The following NME5 variants were observed in gnomAD, a reference collection of about 807,000 sequenced individuals.
The protein encoded by NME5 is nucleoside diphosphate kinase 5.
In NME5, 18 loss-of-function variants were observed where a neutral mutation model predicts 21.6. That is an observed-to-expected ratio of 0.83 (90% CI 0.58 to 1.24). NME5 has a LOEUF of 1.24. NME5 is among the 50% of genes most tolerant of loss of function. The pLI, the probability that NME5 is intolerant of heterozygous loss-of-function variation, is 0.00. For synonymous variants in NME5, 70 were observed against 80.6 expected (o/e 0.87, Z 0.71); for missense variants, 223 against 255.4 (o/e 0.87, Z 0.86).
chr5:138,115,849 C>A, intron 5 of NME5, 85 bp from the exon 6 acceptor site: 1 of 841,636 alleles, frequency 1.2e-6, no homozygotes, highest in South Asian at 2.2e-5. Context: ...GAAACTTAAA[C>A]AGTTTTCAAA....
intron 2 of NME5, among the ~76,000 whole-genome samples, chr5:138,137,314 C>A (rs991961743): frequency 3.3e-5 from 5 of 150,880 alleles, no homozygotes; most frequent in Admixed American, 1.3e-4. Flanking sequence ...GATATTTTCT[C>A]TTTATTTATT....
At chr5:138,126,595 G>A (rs1275832270) in intron 4 of NME5, among the ~76,000 whole-genome samples, 4 of 147,808 alleles carry the variant, frequency 2.7e-5, no homozygotes, top group Non-Finnish European at 6.0e-5. Context: ...TGAGTAAGAA[G>A]AGCTTCCAAA....
Position 138,129,136 on chromosome 5 carries a change from C to T in NME5, c.335+127G>A. On this transcript the variant is annotated intron_variant, in intron 3 of 5. Coordinates refer to ENST00000265191, the MANE Select transcript of NME5 (RefSeq NM_003551.3). ...CCAGGCCCTGCCACCCTCTGCCCCC[C>T]AAAAAAGTTGATTTTGGAAAACTTC... 6.7e-6 allele frequency: 5 copies of T among 745,044 alleles called. No individual in the cohort carries two copies. In the South Asian group the frequency reaches 7.5e-5, roughly 11 times the overall value. The allele number at this position is 745,044 out of a possible 1,614,324, so 46.2% of individuals were successfully genotyped here.
rs1751780767 is a variant in NME5 at position 138,138,683 on chromosome 5, A to C, written c.98T>G (p.Ile33Ser). Residue 33 changes from isoleucine to serine, a missense_variant, in exon 2 of 6, where the codon ATT (isoleucine) becomes AGT (serine). By Grantham distance (142) the Ile-to-Ser change is moderately radical. Coordinates refer to ENST00000265191, the MANE Select transcript of NME5 (RefSeq NM_003551.3). ...IVDKEEEIQD[I>S]ILRSGFTIVQ... ...AATGGTGAATCCGGATCTAAGAATA[A>C]TATCTTGTATCTCCTCCTCTTTGTC... The C allele has an allele frequency of 6.2e-7, 1 of 1,612,688 alleles. No individual in the cohort carries two copies. Among genetic ancestry groups the C allele is most frequent in the Admixed American group, 1.7e-5 (1 of 59,548 alleles).
At position 138,118,915 on chromosome 5, in the gene NME5, A is replaced by G. The variant is rs1039397578; in HGVS notation, c.458T>C (p.Ile153Thr). Residue 153 changes from isoleucine to threonine, a missense_variant, in exon 5 of 6, where the codon ATT becomes ACT. Coordinates refer to ENST00000265191, the MANE Select transcript of NME5 (RefSeq NM_003551.3). ...TAAATAGTCCTTAGCAGCTTGTCCA[A>G]TTGGAATGGGCTCAACAATCACTGC... ...FPEVIVEPIP[I>T]GQAAKDYLNL... The G allele has an allele frequency of 1.7e-5, 28 of 1,607,498 alleles. No homozygotes were observed. The highest frequency in any genetic ancestry group is 2.2e-5 in the East Asian group (1 of 44,850).
intron 1 of NME5, chr5:138,139,030 A>G: frequency 3.3e-6 from 1 of 305,488 alleles, no homozygotes; most frequent in Non-Finnish European, 6.0e-6. Flanking sequence ...CAAGGCAGGA[A>G]GGACTATGGG....
intron 2 of NME5, among the ~76,000 whole-genome samples, 162 bp from the exon 3 acceptor site, chr5:138,129,630 A>G (rs1751513495): frequency 6.6e-6 from 1 of 152,206 alleles, no homozygotes; most frequent in South Asian, 2.1e-4. Context: ...GTATGCTGTA[A>G]ATAAGATAGT....
In NME5 at chr5:138,139,397, ACT is replaced by A. The variant is rs1751821914; in HGVS notation, c.-34_-33del. 1 of 985,498 alleles carries A rather than the reference ACT, an allele frequency of 1.0e-6. No individual in the cohort carries two copies. Among genetic ancestry groups the A allele is most frequent in the South Asian group, 4.7e-5 (1 of 21,302 alleles). 61.0% of individuals were successfully genotyped at this position (985,498 alleles called of 1,614,324 possible). On this transcript the variant is annotated 5_prime_UTR_variant, in exon 1 of 6. Coordinates refer to ENST00000265191, the MANE Select transcript of NME5 (RefSeq NM_003551.3). ...TCAGCGGCCGTCCTCATATGGTACA[ACT>A]TGTTGCTAGGAGACCTGAAGCCCCA...
intron 2 of NME5, among the ~76,000 whole-genome samples, chr5:138,134,044 G>A (rs1751634252): frequency 6.6e-6 from 1 of 152,142 alleles, no homozygotes; most frequent in Non-Finnish European, 1.5e-5. Context: ...GGCTGCCTTT[G>A]CTCTGAAAGT....
At chr5:138,127,467 G>A (rs1751451096) in intron 4 of NME5, 1 of 976,980 alleles carries the variant, frequency 1.0e-6, no homozygotes, top group South Asian at 4.7e-5. Flanking sequence ...TGTTTTATTT[G>A]AATGAATATC....
chr5:138,118,789 T>A (rs767465732), intron 5 of NME5, 29 bp downstream of exon 5: 40 of 1,461,874 alleles, frequency 2.7e-5, no homozygotes, highest in Non-Finnish European at 3.6e-5. Context: ...GTGACAATAT[T>A]CTTAAGTGTG....
intron 2 of NME5, 98 bp downstream of exon 2, chr5:138,138,554 G>A (rs1751772720): frequency 2.0e-6 from 2 of 995,904 alleles, no homozygotes; most frequent in East Asian, 2.5e-5. Context: ...ATTTAATGCT[G>A]AACACTAAGG....
rs1203463912 is a variant in NME5, at chr5:138,135,415, AC to A, written c.129+3236del. On this transcript the variant is annotated intron_variant, in intron 2 of 5. Coordinates refer to ENST00000265191, the MANE Select transcript of NME5 (RefSeq NM_003551.3). ...AATGGCACGATCTTGACTCACTGCA[AC>A]CTCCGCCTCCCGGGTTCACGCCATT... 6.0e-5 allele frequency among the ~76,000 whole-genome samples: 9 copies of A among 150,662 alleles called. No individual in the cohort carries two copies. The East Asian group carries it at 1.8e-3, about 30-fold the overall frequency.
chr5:138,136,047 T>C (rs1424112986), intron 2 of NME5, among the ~76,000 whole-genome samples: 1 of 152,234 alleles, frequency 6.6e-6, no homozygotes, highest in East Asian at 1.9e-4. Context: ...ATTTGATGGG[T>C]TTTCCAGAGT....
At chr5:138,126,657 C>T (rs1751435195) in intron 4 of NME5, among the ~76,000 whole-genome samples, 1 of 151,222 alleles carries the variant, frequency 6.6e-6, no homozygotes, top group Admixed American at 6.6e-5. Context: ...TATTTAAAAG[C>T]TAAAGAGAAG....
intron 4 of NME5, among the ~76,000 whole-genome samples, chr5:138,123,780 T>C (rs217276): frequency 0.29 from 44,604 of 151,986 alleles, 7,522 homozygotes; most frequent in South Asian, 0.42. Flanking sequence ...GTTTTATTTT[T>C]AGTTTCTTGA....
At chr5:138,131,302 A>C (rs556349206) in intron 2 of NME5, among the ~76,000 whole-genome samples, 14 of 151,200 alleles carry the variant, frequency 9.3e-5, no homozygotes, top group Non-Finnish European at 2.1e-4. Context: ...AATCACTTGA[A>C]CCCGGGAGGC....
intron 4 of NME5, among the ~76,000 whole-genome samples, chr5:138,123,581 A>G (rs1270099399): frequency 6.6e-6 from 1 of 152,198 alleles, no homozygotes; most frequent in Non-Finnish European, 1.5e-5. Flanking sequence ...TACATTGTGT[A>G]TATACACCAC....
At chr5:138,130,956 T>C (rs1050087632) in intron 2 of NME5, among the ~76,000 whole-genome samples, 8 of 148,640 alleles carry the variant, frequency 5.4e-5, no homozygotes, top group South Asian at 2.1e-4. Flanking sequence ...TTAGGTCGGG[T>C]GTGGTGGCTC....
Sources: allele counts gnomAD v4.1 joint callset (sites outside exome capture counted in the v4.1 genomes callset), GRCh38; gene constraint gnomAD v4.1.1; transcripts MANE v1.5; gene names NCBI Gene and HGNC (gene_info 2026-07-23, HGNC 2026-07-21).